The following ANKRD44 variants were observed in gnomAD, a reference collection of about 807,000 sequenced individuals.
ANKRD44 encodes the protein ankyrin repeat domain 44.
ANKRD44 carries 35 observed loss-of-function variants against 116.0 expected under a neutral mutation model. That is an observed-to-expected ratio of 0.30 (90% CI 0.23 to 0.40). The LOEUF (loss-of-function observed/expected upper bound fraction) is 0.40. Among genes scored for constraint, ANKRD44 ranks in the 10% least tolerant of loss-of-function variants. The probability of loss-of-function intolerance (pLI) is 1.00; values close to 1 mark genes in which losing one functional copy is unlikely to be tolerated. For synonymous variants in ANKRD44, 435 were observed against 461.8 expected (o/e 0.94, Z 0.74); for missense variants, 1,014 against 1,242.6 (o/e 0.82, Z 2.77).
chr2:197,091,778 T>C (rs1036104169), intron 10 of ANKRD44, among the ~76,000 whole-genome samples: 3 of 152,230 alleles, frequency 2.0e-5, no homozygotes, highest in African/African-American at 7.2e-5. Context: ...GAATAAAAAC[T>C]AATGTTTGCC....
chr2:197,162,782 G>A (rs4850769), intron 2 of ANKRD44, among the ~76,000 whole-genome samples: 1 of 152,036 alleles, frequency 6.6e-6, no homozygotes, highest in Non-Finnish European at 1.5e-5. Context: ...CTGGGCTATG[G>A]GTACAGGGCA....
intron 2 of ANKRD44, among the ~76,000 whole-genome samples, chr2:197,174,876 A>G (rs1250456732): frequency 6.6e-6 from 1 of 152,228 alleles, no homozygotes; most frequent in African/African-American, 2.4e-5. Context: ...TTTACATGGG[A>G]AGATCAGGGG....
intron 1 of ANKRD44, among the ~76,000 whole-genome samples, chr2:197,257,591 G>T (rs556677253): frequency 9.2e-5 from 14 of 152,072 alleles, no homozygotes; most frequent in African/African-American, 3.1e-4. Flanking sequence ...AGTATAATTG[G>T]ATTATTTGTA....
intron 16 of ANKRD44, among the ~76,000 whole-genome samples, chr2:197,065,061 C>CT (rs1422904553): frequency 6.6e-6 from 1 of 152,162 alleles, no homozygotes; most frequent in Non-Finnish European, 1.5e-5. Context: ...AAGTAAAGCA[C>CT]TCCTCAGCAA....
At chr2:197,286,300 C>T (rs34630472) in intron 1 of ANKRD44, among the ~76,000 whole-genome samples, 68 of 152,164 alleles carry the variant, frequency 4.5e-4, no homozygotes, top group Admixed American at 9.8e-4. Context: ...AAAATAGCAA[C>T]CAAAATTGGC....
At chr2:197,268,326 GAA>G (rs2082794825) in intron 1 of ANKRD44, among the ~76,000 whole-genome samples, 2 of 152,232 alleles carry the variant, frequency 1.3e-5, no homozygotes, top group South Asian at 4.1e-4. Context: ...TGGGGCACGG[GAA>G]ATAGGAGGCA....
At position 196,973,953 on chromosome 2, in the gene ANKRD44, C is replaced by T. The variant is rs185632627; in HGVS notation, c.2369-6507G>A. Among the ~76,000 whole-genome samples, 546 of 152,194 alleles carry T rather than the reference C, an allele frequency of 3.6e-3. 3 individuals carry two copies. The highest frequency in any genetic ancestry group is 0.012 in the African/African-American group (496 of 41,502). ...TTCTTAAGTTGACATTGAAATAAGC[C>T]TTGATAAACTTTAAAGTATTGAAAT... On this transcript the variant is annotated intron_variant, in intron 21 of 21. Transcript: ENST00000424317.
At chr2:197,041,249 GA>G (rs2076905677) in intron 16 of ANKRD44, among the ~76,000 whole-genome samples, 1 of 152,144 alleles carries the variant, frequency 6.6e-6, no homozygotes, top group Non-Finnish European at 1.5e-5. Flanking sequence ...CTTAGGCTCC[GA>G]GACTGAGAAA....
chr2:197,266,453 C>T (rs925535389), intron 1 of ANKRD44, among the ~76,000 whole-genome samples: 1 of 152,108 alleles, frequency 6.6e-6, no homozygotes, highest in Non-Finnish European at 1.5e-5. Flanking sequence ...CAGAAAACCA[C>T]AGATGAGGAA....
chr2:197,274,791 T>C (rs1482033208), intron 1 of ANKRD44, among the ~76,000 whole-genome samples: 3 of 152,044 alleles, frequency 2.0e-5, no homozygotes, highest in Admixed American at 2.0e-4. Flanking sequence ...CAATTCTGGT[T>C]TAGAAAAAAA....
chr2:197,186,208 G>A (rs2080654100), intron 2 of ANKRD44, among the ~76,000 whole-genome samples: 1 of 152,086 alleles, frequency 6.6e-6, no homozygotes, highest in Non-Finnish European at 1.5e-5. Flanking sequence ...ATGGGTTCCA[G>A]GGGTTCATCA....
At chr2:197,004,199 C>A (rs2076162559) in intron 21 of ANKRD44, among the ~76,000 whole-genome samples, 2 of 152,078 alleles carry the variant, frequency 1.3e-5, no homozygotes, top group Middle Eastern at 3.2e-3. Context: ...TGGTTTTGTT[C>A]ATTGACATAT....
intron 1 of ANKRD44, among the ~76,000 whole-genome samples, chr2:197,246,406 T>C (rs908955802): frequency 8.2e-6 from 1 of 121,452 alleles, no homozygotes; most frequent in Non-Finnish European, 1.6e-5. Flanking sequence ...TTGCCCAGGC[T>C]GGTCTTGAAC....
chr2:197,088,469 A>AAAAAG (rs150717531), intron 12 of ANKRD44, among the ~76,000 whole-genome samples: 1 of 152,076 alleles, frequency 6.6e-6, no homozygotes, highest in Non-Finnish European at 1.5e-5. Context: ...ATAATTTAAA[A>AAAAAG]AAAGAAAAGA....
At chr2:197,116,513 A>G (rs73051345) in intron 8 of ANKRD44, among the ~76,000 whole-genome samples, 5,565 of 152,118 alleles carry the variant, frequency 0.037, 339 homozygotes, top group African/African-American at 0.12. Flanking sequence ...CTCAGACGAC[A>G]GTTCCTTGGT....
intron 21 of ANKRD44, among the ~76,000 whole-genome samples, chr2:197,003,661 T>C (rs539615959): frequency 1.4e-3 from 215 of 152,214 alleles, no homozygotes; most frequent in African/African-American, 4.8e-3. Flanking sequence ...CTGGAGAGGC[T>C]AGGAACACAG....
intron 2 of ANKRD44, among the ~76,000 whole-genome samples, chr2:197,183,060 GAATA>G (rs1032863729): frequency 6.6e-6 from 1 of 152,082 alleles, no homozygotes; most frequent in African/African-American, 2.4e-5. Flanking sequence ...TGAGAGAATA[GAATA>G]AATCTCAATG....
Position 197,005,824 on chromosome 2 carries a change from G to A in ANKRD44, c.2217C>T (p.Pro739=). ...ILCKDSRGRT[P]LHYAAARGHA... is the part of the protein sequence containing the mutation. ...GGCCACGAGCAGCTGCATAGTGCAA[G>A]GGCGTCCTCCCTCTGGAATCTTTAC... Residue 739 remains proline, a synonymous_variant, in exon 21 of 28, where the codon CCC becomes CCT. Transcript: ENST00000282272. The A allele has an allele frequency of 6.2e-7, 1 of 1,614,288 alleles. No individual in the cohort carries two copies. The highest frequency in any genetic ancestry group is 8.5e-7 in the Non-Finnish European group (1 of 1,180,046).
chr2:197,262,792 T>C (rs538893487), intron 1 of ANKRD44, among the ~76,000 whole-genome samples: 41 of 152,072 alleles, frequency 2.7e-4, no homozygotes, highest in African/African-American at 8.0e-4. Context: ...GTAATTCCAG[T>C]TACTTGGGAG....
Sources: allele counts gnomAD v4.1 joint callset (sites outside exome capture counted in the v4.1 genomes callset), GRCh38; gene constraint gnomAD v4.1.1; transcripts MANE v1.5; gene names NCBI Gene and HGNC (gene_info 2026-07-23, HGNC 2026-07-21).